The following NEB variants were observed in gnomAD, a reference collection of about 807,000 sequenced individuals.
NEB encodes the protein nemaline myopathy type 2.
In NEB, 512 loss-of-function variants were observed where a neutral mutation model predicts 952.2. The ratio of observed to expected loss-of-function variants is 0.54; its 90% CI spans 0.50 to 0.58. The LOEUF (loss-of-function observed/expected upper bound fraction) is 0.58. Ranked by LOEUF, NEB falls within the 20% of genes least tolerant of loss-of-function variation. The pLI, the probability that NEB is intolerant of heterozygous loss-of-function variation, is 0.00. For synonymous variants in NEB, 2,900 were observed against 3,149.8 expected, an observed-to-expected ratio of 0.92 and a Z score of 2.66; for missense variants, 8,428 against 9,231.1, an observed-to-expected ratio of 0.91 and a Z score of 3.56.
intron 48 of NEB, among the ~76,000 whole-genome samples, chr2:151,656,860 C>A (rs2099090999): frequency 6.7e-6 from 1 of 149,124 alleles, no homozygotes; most frequent in African/African-American, 2.5e-5. Context: ...AAAAAAAAGG[C>A]AAAAAAACAG....
chr2:151,665,644 G>A, intron 41 of NEB, 105 bp from the exon 42 acceptor site: 1 of 984,752 alleles, frequency 1.0e-6, no homozygotes, highest in Admixed American at 2.9e-5. Flanking sequence ...AGCTGGGAGG[G>A]GGAGAATAAT....
At chr2:151,722,595 G>C (rs1347938411) in intron 9 of NEB, among the ~76,000 whole-genome samples, 1 of 152,152 alleles carries the variant, frequency 6.6e-6, no homozygotes, top group Non-Finnish European at 1.5e-5. Flanking sequence ...CCAGGCTGGA[G>C]TGCAGTGGCT....
Position 151,639,856 on chromosome 2 carries a change from C to T in NEB, c.8889+1G>A, listed in dbSNP as rs1553963960. ...TTCGATTCTTAATTTTGAAGTCTCACCTTGTTCATAGTGATGGCATTATTT... is the reference window on the plus strand; with the variant it reads ...TTCGATTCTTAATTTTGAAGTCTCATCTTGTTCATAGTGATGGCATTATTT... On this transcript the variant is annotated splice_donor_variant, in intron 62 of 181. Coordinates refer to ENST00000397345, the MANE Select transcript of NEB (RefSeq NM_001164508.2). LOFTEE classifies it high-confidence loss of function. The T allele has an allele frequency of 6.2e-7, 1 of 1,611,408 alleles. No individual in the cohort carries two copies. Among genetic ancestry groups the T allele is most frequent in the Non-Finnish European group, 8.5e-7 (1 of 1,178,242 alleles).
chr2:151,729,743 C>T (rs2099801150), intron 3 of NEB, 87 bp from the exon 4 acceptor site: 4 of 1,349,314 alleles, frequency 3.0e-6, no homozygotes, highest in Non-Finnish European at 4.2e-6. Context: ...TAGGTGACTG[C>T]ACTAGCTCGG....
At chr2:151,635,101 T>C (rs1018097809) in intron 64 of NEB, among the ~76,000 whole-genome samples, 4 of 152,108 alleles carry the variant, frequency 2.6e-5, no homozygotes, top group Admixed American at 2.0e-4. Flanking sequence ...GCTTAAACAA[T>C]CCTCAAAATG....
intron 1 of NEB, among the ~76,000 whole-genome samples, chr2:151,734,145 C>CA (rs1243353780): frequency 1.3e-5 from 2 of 151,748 alleles, no homozygotes; most frequent in African/African-American, 4.8e-5. Flanking sequence ...ATATCAAAGG[C>CA]AAAAAAATGT....
intron 13 of NEB, 56 bp downstream of exon 13, chr2:151,706,825 A>C: frequency 7.7e-7 from 1 of 1,296,962 alleles, no homozygotes; most frequent in Non-Finnish European, 1.1e-6. Flanking sequence ...AAAGGAGAAA[A>C]TTTTCATCTC....
rs2152863881 is a variant in NEB at position 151,493,839 on chromosome 2, G to C, written c.24608C>G (p.Ala8203Gly). The C allele has an allele frequency of 6.3e-7, 1 of 1,579,972 alleles. No homozygotes were observed. The highest frequency in any genetic ancestry group is 1.2e-5 in the South Asian group (1 of 85,330). ...SVLYKENLGK[A>G]TPTPFTPEME... Reference sequence around the variant, plus strand: ...CTCAGGAGTAAAGGGTGTGGGGGTTGCTTTCCCCAGGTTCTCTTTGTATAA... The same window carrying C: ...CTCAGGAGTAAAGGGTGTGGGGGTTCCTTTCCCCAGGTTCTCTTTGTATAA... The change falls in exon 175 of 182, where the codon GCA becomes GGA. Residue 8203 changes from alanine to glycine, a missense_variant. Around this residue, in one of 11 missense-constraint regions of NEB, gnomAD observed 3,374 missense variants for 3,651.5 expected, o/e 0.92. Transcript: ENST00000397345.
rs373449008 is a variant in NEB at position 151,642,619 on chromosome 2, G to A, written c.8328C>T (p.Ala2776=). Residue 2776 remains alanine, a synonymous_variant, in exon 60 of 182, where the codon GCC becomes GCT. Coordinates refer to ENST00000397345, the MANE Select transcript of NEB (RefSeq NM_001164508.2). ...KRKGYDMRVD[A]IPIKAAKASR... is the part of the protein sequence containing the mutation. Reference sequence around the variant, plus strand: ...AGGCCTTGGCTGCCTTGATAGGAATGGCATCTACCCGCATGTCATAACCTT... The same window carrying A: ...AGGCCTTGGCTGCCTTGATAGGAATAGCATCTACCCGCATGTCATAACCTT... 2.4e-5 allele frequency: 39 copies of A among 1,613,744 alleles called. No individual in the cohort carries two copies. In the East Asian group the frequency reaches 3.1e-4, roughly 13 times the overall value.
chr2:151,565,608 G>A lies in NEB; in HGVS notation c.18262-3C>T. 6 of 1,579,846 alleles carry A rather than the reference G, an allele frequency of 3.8e-6. No homozygotes were observed. Reference sequence around the variant, plus strand: ...AGGGCATTTTTCTTATATTTGATCTGTAAAGAAACGGAGACAATTAAGACA... The same window carrying A: ...AGGGCATTTTTCTTATATTTGATCTATAAAGAAACGGAGACAATTAAGACA... On this transcript the variant is annotated splice_polypyrimidine_tract_variant and splice_region_variant and intron_variant, in intron 115 of 181. Coordinates refer to ENST00000397345, the MANE Select transcript of NEB (RefSeq NM_001164508.2).
At chr2:151,675,546 A>G (rs769694616) in intron 34 of NEB, among the ~76,000 whole-genome samples, 155 bp from the exon 35 acceptor site, 7 of 152,218 alleles carry the variant, frequency 4.6e-5, no homozygotes, top group Non-Finnish European at 1.0e-4. Flanking sequence ...GCATCTTATT[A>G]TCTTTAATAC....
In NEB at chr2:151,639,269, T is replaced by C. The variant is rs1050783952; in HGVS notation, c.8994+11A>G. On this transcript the variant is annotated intron_variant, in intron 63 of 181. Coordinates refer to ENST00000397345, the MANE Select transcript of NEB (RefSeq NM_001164508.2). The stretch of plus-strand genomic sequence containing the variant: ...GCAGCAGTGTGCAAATGTCAAAGAA[T>C]CTGCTCTCACCTCACTGTAGTTGAT... The C allele has an allele frequency of 2.0e-6, 3 of 1,523,954 alleles. No homozygotes were observed. Among genetic ancestry groups the C allele is most frequent in the Non-Finnish European group, 2.6e-6 (3 of 1,132,838 alleles). The allele number at this position is 1,523,954 out of a possible 1,614,324, so 94.4% of individuals were successfully genotyped here.
intron 156 of NEB, 51 bp from the exon 157 acceptor site, chr2:151,516,614 C>T: frequency 8.2e-7 from 1 of 1,215,686 alleles, no homozygotes; most frequent in South Asian, 1.3e-5. Flanking sequence ...AATTCCTAGA[C>T]AGCAGTTTAA....
chr2:151,499,499 C>T, intron 168 of NEB, 109 bp from the exon 169 acceptor site: 2 of 657,772 alleles, frequency 3.0e-6, no homozygotes, highest in Non-Finnish European at 2.7e-6. Flanking sequence ...ACAGAAAAGA[C>T]AGATTCAACA....
chr2:151,642,922 T>C, intron 58 of NEB, 53 bp from the exon 59 acceptor site: 1 of 1,383,182 alleles, frequency 7.2e-7, no homozygotes, highest in Admixed American at 2.4e-5. Context: ...AATAGACACA[T>C]GCAGACAGTC....
chr2:151,486,007 ATC>A, intron 181 of NEB, 74 bp from the exon 182 acceptor site: 1 of 1,464,374 alleles, frequency 6.8e-7, no homozygotes, highest in Non-Finnish European at 9.4e-7. Flanking sequence ...TATTTGTAAG[ATC>A]TCTCATGACT....
At chr2:151,723,075 C>CTTA (rs1428674397) in intron 9 of NEB, among the ~76,000 whole-genome samples, 1 of 152,162 alleles carries the variant, frequency 6.6e-6, no homozygotes, top group Non-Finnish European at 1.5e-5. Context: ...AGGACTCATG[C>CTTA]TCTAATGGGA....
rs533374837 is a variant in NEB, at chr2:151,577,041, T to A, written c.16705-687A>T. On this transcript the variant is annotated intron_variant, in intron 105 of 181. Coordinates refer to ENST00000397345, the MANE Select transcript of NEB (RefSeq NM_001164508.2). ...CTGCATGGAAGACTTCTGAATAATATTTAGGTTATCATCATACCATTACCA... is the reference window on the plus strand; with the variant it reads ...CTGCATGGAAGACTTCTGAATAATAATTAGGTTATCATCATACCATTACCA... Among the ~76,000 whole-genome samples, 5 of 152,286 alleles carry A rather than the reference T, an allele frequency of 3.3e-5. No homozygotes were observed. The East Asian group carries it at 9.6e-4, about 29-fold the overall frequency.
chr2:151,511,894 C>T (rs1218086074), intron 161 of NEB, among the ~76,000 whole-genome samples: 1 of 151,966 alleles, frequency 6.6e-6, no homozygotes, highest in Non-Finnish European at 1.5e-5. Flanking sequence ...TTTAAAGCCA[C>T]ATCATAAGAG....
Sources: allele counts gnomAD v4.1 joint callset (sites outside exome capture counted in the v4.1 genomes callset), GRCh38; gene constraint gnomAD v4.1.1; regional missense constraint gnomAD v4.1.1; transcripts MANE v1.5; gene names NCBI Gene and HGNC (gene_info 2026-07-23, HGNC 2026-07-21).